FABP6: variants seen among roughly 807,000 people sequenced by gnomAD.
FABP6 encodes the protein gastrotropin.
Under a neutral mutation model 14.9 loss-of-function variants are expected in FABP6, and 13 were observed. The observed-to-expected ratio is 0.87, with a 90% CI of 0.57 to 1.39. The LOEUF is 1.39. Ranked by LOEUF, FABP6 falls within the 40% of genes most tolerant of loss-of-function variation. The pLI, the probability that FABP6 is intolerant of heterozygous loss-of-function variation, is 0.00. For missense variants in FABP6, 161 were observed against 167.2 expected, an observed-to-expected ratio of 0.96 and a Z score of 0.20; for synonymous variants, 75 against 63.6, an observed-to-expected ratio of 1.18 and a Z score of -0.85.
intron 2 of FABP6, among the ~76,000 whole-genome samples, chr5:160,202,640 C>CA (rs1190654949): frequency 7.3e-5 from 11 of 151,174 alleles, no homozygotes; most frequent in African/African-American, 1.7e-4. Context: ...ACTAAAAATA[C>CA]AAAAAAAAGA....
At chr5:160,229,746 T>G (rs1232051123) in intron 1 of FABP6, 122 bp downstream of exon 1, 1 of 814,354 alleles carries the variant, frequency 1.2e-6, no homozygotes, top group Non-Finnish European at 2.0e-6. Context: ...CACTCATTCA[T>G]TCATTCACAC....
At chr5:160,193,705 G>C (rs1211890357) in intron 1 of FABP6, among the ~76,000 whole-genome samples, 1 of 152,176 alleles carries the variant, frequency 6.6e-6, no homozygotes, top group Non-Finnish European at 1.5e-5. Flanking sequence ...GCTAGACACA[G>C]GGTGCTGATT....
intron 2 of FABP6, chr5:160,213,691 C>T: frequency 6.4e-7 from 1 of 1,561,784 alleles, no homozygotes; most frequent in Non-Finnish European, 8.8e-7. Flanking sequence ...GAGATGCCCA[C>T]TTGACTCAGG....
At chr5:160,217,410 C>G (rs891710475) in intron 3 of FABP6, among the ~76,000 whole-genome samples, 1 of 152,084 alleles carries the variant, frequency 6.6e-6, no homozygotes, top group African/African-American at 2.4e-5. Context: ...AGAAGAAGGG[C>G]TGAATGCTAG....
At chr5:160,217,134 T>A (rs1269365020) in intron 3 of FABP6, among the ~76,000 whole-genome samples, 1 of 152,220 alleles carries the variant, frequency 6.6e-6, no homozygotes, top group African/African-American at 2.4e-5. Flanking sequence ...CAGGTCCATG[T>A]TAGATCTTGG....
intron 1 of FABP6, among the ~76,000 whole-genome samples, chr5:160,192,184 T>G (rs1759407572): frequency 6.6e-6 from 1 of 151,884 alleles, no homozygotes; most frequent in Non-Finnish European, 1.5e-5. Context: ...TCCCCACTGG[T>G]CCTCTTTTTC....
chr5:160,197,449 C>G (rs567224840), intron 1 of FABP6: 44 of 152,354 alleles, frequency 2.9e-4, no homozygotes, highest in African/African-American at 1.0e-3. Flanking sequence ...GTGAATAATA[C>G]TATGTACCTC....
rs11954783 is a variant in FABP6, at chr5:160,194,156, G to A, written c.-58-4893G>A. Among the ~76,000 whole-genome samples the A allele has an allele frequency of 8.5e-5, 13 of 152,324 alleles. No homozygotes were observed. The South Asian group carries it at 2.5e-3, about 29-fold the overall frequency. On this transcript the variant is annotated intron_variant, in intron 1 of 6. Transcript: ENST00000393980. ...TGGCCCAGGTGCTAAGTCCCTCATT[G>A]CCCGGGGCCAGCAGGGCCGGCCGGC...
intron 1 of FABP6, chr5:160,198,993 C>T (rs1466555120): frequency 1.9e-6 from 2 of 1,044,984 alleles, no homozygotes; most frequent in Admixed American, 1.8e-5. Flanking sequence ...AATGAATGAA[C>T]AATGAGATGG....
chr5:160,223,965 A>G lies in FABP6; in HGVS notation c.136-5581A>G, dbSNP rs969469991. 1.2e-3 allele frequency among the ~76,000 whole-genome samples: 176 copies of G among 147,568 alleles called. 1 individual carries two copies. Among genetic ancestry groups the G allele is most frequent in the Non-Finnish European group, 2.5e-4 (17 of 67,264 alleles). On this transcript the variant is annotated intron_variant, in intron 3 of 6. Transcript: ENST00000393980. ...AAAAAAAAAAAAATTGGCCGGGCGC[A>G]GTGGCTCGCGCCTGTAATCCCAGCA...
chr5:160,238,314 G>A (rs1365183821), intron 3 of FABP6, among the ~76,000 whole-genome samples: 1 of 152,150 alleles, frequency 6.6e-6, no homozygotes, highest in African/African-American at 2.4e-5. Flanking sequence ...GCTGTTGGGA[G>A]GATTAAATGG....
chr5:160,209,438 AT>A (rs1242787301), intron 2 of FABP6, among the ~76,000 whole-genome samples: 2 of 152,102 alleles, frequency 1.3e-5, no homozygotes, highest in Non-Finnish European at 2.9e-5. Context: ...CAGGAGGATT[AT>A]TTGAGCCTGG....
intron 2 of FABP6, chr5:160,204,745 C>A (rs1185430944): frequency 1.3e-5 from 2 of 152,328 alleles, no homozygotes; most frequent in Admixed American, 1.3e-4. Context: ...CCCGCCTCGG[C>A]CTCCCAAAGT....
rs201647279 is a variant in FABP6, at chr5:160,236,959, C to CAA, written c.334-1646_334-1645dup. Among the ~76,000 whole-genome samples the CAA allele has an allele frequency of 1.7e-3, 265 of 152,010 alleles. 8 individuals are homozygous for CAA. In the East Asian group the frequency reaches 0.045, roughly 26 times the overall value. On this transcript the variant is annotated intron_variant, in intron 3 of 3. Transcript: ENST00000402432. ...AATGAGCCCCCTCCAGCCTGGACAA[C>CAA]AAGAGCAAAACTCTGTCTCAAAAAA...
intron 1 of FABP6, among the ~76,000 whole-genome samples, chr5:160,190,890 A>G (rs1178001421): frequency 6.6e-6 from 1 of 151,840 alleles, no homozygotes; most frequent in African/African-American, 2.4e-5. Context: ...AGGCGGGCGG[A>G]TCATGAAGTC....
intron 1 of FABP6, among the ~76,000 whole-genome samples, chr5:160,192,487 A>G (rs2032838): frequency 0.91 from 138,850 of 152,374 alleles, 63,399 homozygotes; most frequent in African/African-American, 0.94. Flanking sequence ...CTTCGCCCAC[A>G]TCTGGCACAT....
At chr5:160,221,304 GC>G (rs1194503987) in intron 3 of FABP6, among the ~76,000 whole-genome samples, 1 of 152,000 alleles carries the variant, frequency 6.6e-6, no homozygotes, top group Non-Finnish European at 1.5e-5. Context: ...GGGGATTTTT[GC>G]AAGGGACAAT....
At chr5:160,229,941 T>G (rs1404980087) in intron 1 of FABP6, among the ~76,000 whole-genome samples, 3 of 151,606 alleles carry the variant, frequency 2.0e-5, no homozygotes, top group African/African-American at 7.3e-5. Context: ...TGGCACCATC[T>G]CGGCTCACTG....
intron 2 of FABP6, among the ~76,000 whole-genome samples, chr5:160,202,665 G>A (rs780920283): frequency 4.0e-5 from 6 of 151,872 alleles, no homozygotes; most frequent in Admixed American, 6.6e-5. Flanking sequence ...TTAGCCAGGC[G>A]TGGTGTCAGG....
Sources: gnomAD v4.1 joint callset for allele counts (sites outside exome capture counted in the v4.1 genomes callset) on GRCh38, gnomAD v4.1.1 for gene constraint, MANE v1.5 for transcripts, NCBI Gene and HGNC (gene_info 2026-07-23, HGNC 2026-07-21) for gene names.